Variants in HEATR5A observed in about 807,000 individuals in gnomAD.
HEATR5A encodes HEAT repeat-containing protein 5A.
Under a neutral mutation model 218.8 loss-of-function variants are expected in HEATR5A, and 178 were observed. That is an observed-to-expected ratio of 0.81 (90% CI 0.72 to 0.92). The LOEUF (loss-of-function observed/expected upper bound fraction) is 0.92. Among genes scored for constraint, HEATR5A ranks in the 40% least tolerant of loss-of-function variants. The pLI is 0.00. For missense variants in HEATR5A, 2,420 were observed against 2,418.9 expected (o/e 1.00, Z -0.01); for synonymous variants, 864 against 871.6 (o/e 0.99, Z 0.15).
chr14:31,394,271 A>C, intron 5 of HEATR5A, 45 bp from the exon 6 acceptor site: 13 of 1,262,438 alleles, frequency 1.0e-5, no homozygotes, highest in Non-Finnish European at 1.2e-5. Flanking sequence ...TAAAATACAA[A>C]TGTCAGGTTC....
chr14:31,298,646 G>A (rs978565045), intron 33 of HEATR5A, among the ~76,000 whole-genome samples: 8 of 149,878 alleles, frequency 5.3e-5, no homozygotes, highest in African/African-American at 2.0e-4. Context: ...CTTACCTGCT[G>A]TTCTTTCCTC....
intron 33 of HEATR5A, among the ~76,000 whole-genome samples, chr14:31,298,102 T>C (rs1238553211): frequency 6.6e-6 from 1 of 152,168 alleles, no homozygotes; most frequent in African/African-American, 2.4e-5. Flanking sequence ...GCCATATGAA[T>C]GAGTCATCTT....
chr14:31,410,830 A>C (rs533581620), intron 1 of HEATR5A, among the ~76,000 whole-genome samples: 2 of 152,338 alleles, frequency 1.3e-5, no homozygotes, highest in Admixed American at 1.3e-4. Flanking sequence ...CTTGCCTCAG[A>C]AAACAGCAGA....
Position 31,305,145 on chromosome 14 carries a change from G to A in HEATR5A, c.4999C>T (p.Pro1667Ser). ...DDGAAEKETL[P>S]EFGEGKDTGG... is the part of the protein sequence containing the mutation. ...GTGTCCTTTCCCTCTCCAAACTCTG[G>A]CAGAGTTTCCTTTTCAGCAGCCCCA... Residue 1667 changes from proline to serine, a missense_variant, in exon 32 of 36, where the codon CCA becomes TCA. Coordinates refer to ENST00000543095, the MANE Select transcript of HEATR5A (RefSeq NM_015473.4). 2 of 1,613,708 alleles carry A rather than the reference G, an allele frequency of 1.2e-6. No homozygotes were observed. Among genetic ancestry groups the A allele is most frequent in the East Asian group, 2.2e-5 (1 of 44,886 alleles).
At chr14:31,302,217 TA>T in intron 33 of HEATR5A, 77 bp downstream of exon 33, 1 of 1,025,216 alleles carries the variant, frequency 9.8e-7, no homozygotes, top group Non-Finnish European at 1.5e-6. Context: ...TATGATCAAG[TA>T]AAATATCTTA....
At chr14:31,370,991 C>A (rs1165984963) in intron 13 of HEATR5A, among the ~76,000 whole-genome samples, 3 of 152,168 alleles carry the variant, frequency 2.0e-5, no homozygotes, top group African/African-American at 7.2e-5. Flanking sequence ...GAGAGGGGCA[C>A]ACAGACACCT....
At chr14:31,412,997 C>T (rs2031330446) in intron 1 of HEATR5A, among the ~76,000 whole-genome samples, 2 of 152,100 alleles carry the variant, frequency 1.3e-5, no homozygotes, top group East Asian at 1.9e-4. Flanking sequence ...AATACGAATT[C>T]CCACAGTCAA....
At chr14:31,303,230 C>T (rs1372123533) in intron 32 of HEATR5A, among the ~76,000 whole-genome samples, 1 of 152,102 alleles carries the variant, frequency 6.6e-6, no homozygotes, top group East Asian at 1.9e-4. Context: ...GTCAGGAGTT[C>T]GAGACCAGCC....
chr14:31,406,082 C>G (rs1158205060), intron 1 of HEATR5A, among the ~76,000 whole-genome samples: 1 of 152,198 alleles, frequency 6.6e-6, no homozygotes, highest in Non-Finnish European at 1.5e-5. Context: ...ATTTTGCAAA[C>G]AGATGGCTGC....
chr14:31,364,330 G>T, intron 13 of HEATR5A, 32 bp from the exon 14 acceptor site: 2 of 1,111,942 alleles, frequency 1.8e-6, no homozygotes, highest in Non-Finnish European at 2.6e-6. Context: ...TATCTTAAGT[G>T]GTTAAGTTAT....
At chr14:31,303,030 T>C (rs867386953) in intron 32 of HEATR5A, among the ~76,000 whole-genome samples, 19 of 150,880 alleles carry the variant, frequency 1.3e-4, no homozygotes, top group Admixed American at 3.3e-4. Flanking sequence ...GAGGACTGCT[T>C]GAGCCCAGGG....
In HEATR5A at chr14:31,414,173, A is replaced by C. The variant is rs530328276; in HGVS notation, c.-75+6299T>G. ...CATTCTGGACCTTTAGGAATGCCAG[A>C]GGCAGATTTTAAGTTAAGAAGTTTT... On this transcript the variant is annotated intron_variant, in intron 1 of 35. Coordinates refer to ENST00000543095, the MANE Select transcript of HEATR5A (RefSeq NM_015473.4). 1.1e-3 allele frequency among the ~76,000 whole-genome samples: 166 copies of C among 152,330 alleles called. No individual in the cohort carries two copies. The Middle Eastern group carries it at 0.014, about 12-fold the overall frequency.
intron 22 of HEATR5A, among the ~76,000 whole-genome samples, chr14:31,334,109 T>C (rs964359236): frequency 9.4e-5 from 14 of 149,678 alleles, no homozygotes; most frequent in African/African-American, 3.4e-4. Flanking sequence ...ACAACTGGGT[T>C]TACTGAATAT....
intron 14 of HEATR5A, among the ~76,000 whole-genome samples, chr14:31,361,754 A>G (rs918225403): frequency 6.6e-6 from 1 of 152,058 alleles, no homozygotes; most frequent in South Asian, 2.1e-4. Context: ...AAAACTAAGA[A>G]CTCAATTTTT....
In HEATR5A at chr14:31,343,921, A is replaced by G. The variant is rs1331375611; in HGVS notation, c.3203T>C (p.Leu1068Ser). ...ACAGAGGCAGCTAACCAGGCTAGAC[A>G]AGTTGACATGTCGTGGAGCAAACAT... ...LHMFAPRHVN[L>S]SSLVSCLCVN... Residue 1068 changes from leucine to serine, a missense_variant, in exon 21 of 36, where the codon TTG (leucine) becomes TCG (serine). Coordinates refer to ENST00000543095, the MANE Select transcript of HEATR5A (RefSeq NM_015473.4). 2 of 1,607,228 alleles carry G rather than the reference A, an allele frequency of 1.2e-6. No homozygotes were observed. Among genetic ancestry groups the G allele is most frequent in the Non-Finnish European group, 1.7e-6 (2 of 1,177,952 alleles).
chr14:31,298,656 CAT>C (rs916591214), intron 33 of HEATR5A, among the ~76,000 whole-genome samples: 1 of 148,542 alleles, frequency 6.7e-6, no homozygotes, highest in Non-Finnish European at 1.5e-5. Context: ...GTTCTTTCCT[CAT>C]ATTGGCAGAG....
rs772070584 is a variant in HEATR5A at position 31,293,512 on chromosome 14, G to T, written c.5934C>A (p.Asp1978Glu). Residue 1978 changes from aspartate to glutamate, a missense_variant, in exon 36 of 36, where the codon GAC (aspartate) becomes GAA (glutamate). Transcript: ENST00000543095. ...TTTGCATGAGATTTTGTAGAGCAAA[G>T]TCATGTAAATTTCTCATTATGGAAG... is the stretch of plus-strand genomic sequence containing the variant. Reference protein sequence around the residue: ...SATSIMRNLHDFALQNLMQIG... With the variant: ...SATSIMRNLHEFALQNLMQIG... 1.5e-5 allele frequency: 25 copies of T among 1,613,676 alleles called. No homozygotes were observed. The African/African-American group carries it at 3.1e-4, about 20-fold the overall frequency.
chr14:31,376,691 G>A (rs1407406916), intron 11 of HEATR5A, among the ~76,000 whole-genome samples: 3 of 152,110 alleles, frequency 2.0e-5, no homozygotes, highest in Non-Finnish European at 4.4e-5. Context: ...TACATTCAAG[G>A]AATGAACATG....
intron 21 of HEATR5A, among the ~76,000 whole-genome samples, chr14:31,339,365 G>A (rs1900769847): frequency 1.4e-5 from 2 of 145,442 alleles, no homozygotes; most frequent in Non-Finnish European, 3.0e-5. Flanking sequence ...CAGGAGAATC[G>A]CTTGAACCCG....
Sources: allele counts gnomAD v4.1 joint callset (sites outside exome capture counted in the v4.1 genomes callset), GRCh38; gene constraint gnomAD v4.1.1; transcripts MANE v1.5; gene names NCBI Gene and HGNC (gene_info 2026-07-23, HGNC 2026-07-21).